Variants in HS6ST3 observed in about 807,000 individuals in gnomAD.
HS6ST3 encodes heparan-sulfate 6-O-sulfotransferase 3.
Under a neutral mutation model 36.7 loss-of-function variants are expected in HS6ST3, and 12 were observed. The ratio of observed to expected loss-of-function variants is 0.33; its 90% confidence interval spans 0.21 to 0.53. The LOEUF (loss-of-function observed/expected upper bound fraction) is 0.53. Ranked by LOEUF, HS6ST3 falls within the 20% of genes least tolerant of loss-of-function variation. The pLI, the probability that HS6ST3 is intolerant of heterozygous loss-of-function variation, is 0.95. For missense variants in HS6ST3, 584 were observed against 640.9 expected (o/e 0.91, Z 0.96); for synonymous variants, 240 against 257.5 (o/e 0.93, Z 0.65).
At chr13:96,183,353 T>C (rs975918608) in intron 1 of HS6ST3, among the ~76,000 whole-genome samples, 3 of 152,162 alleles carry the variant, frequency 2.0e-5, no homozygotes, top group Non-Finnish European at 4.4e-5. Flanking sequence ...ATGCTCGAGG[T>C]GGAAGAAAGT....
chr13:96,350,823 A>G (rs1336847848), intron 1 of HS6ST3, among the ~76,000 whole-genome samples: 1 of 152,176 alleles, frequency 6.6e-6, no homozygotes, highest in Non-Finnish European at 1.5e-5. Flanking sequence ...ATTAAAAATC[A>G]ATTTATCAGT....
chr13:96,249,650 G>C (rs1332476823), intron 1 of HS6ST3, among the ~76,000 whole-genome samples: 3 of 152,034 alleles, frequency 2.0e-5, no homozygotes, highest in African/African-American at 7.2e-5. Flanking sequence ...CTTTCTGTAG[G>C]TGAATCTTTT....
chr13:96,488,976 G>T (rs990569517), intron 1 of HS6ST3, among the ~76,000 whole-genome samples: 2 of 152,012 alleles, frequency 1.3e-5, no homozygotes, highest in East Asian at 1.9e-4. Flanking sequence ...AATACAGTGT[G>T]TGTGATCCTT....
intron 1 of HS6ST3, among the ~76,000 whole-genome samples, chr13:96,571,928 C>T (rs892570424): frequency 2.6e-5 from 4 of 152,184 alleles, no homozygotes; most frequent in Admixed American, 6.5e-5. Flanking sequence ...ATTGCACATA[C>T]GTGTACCATG....
At chr13:96,126,413 G>T (rs2053951262) in intron 1 of HS6ST3, among the ~76,000 whole-genome samples, 1 of 152,206 alleles carries the variant, frequency 6.6e-6, no homozygotes, top group Non-Finnish European at 1.5e-5. Context: ...ACTAGCTGGG[G>T]CTGGCCTCAT....
At chr13:96,211,381 C>T (rs536758404) in intron 1 of HS6ST3, among the ~76,000 whole-genome samples, 12 of 152,188 alleles carry the variant, frequency 7.9e-5, no homozygotes, top group Admixed American at 4.6e-4. Flanking sequence ...CCCACGGCAC[C>T]TCTGGAGTTG....
At chr13:96,637,637 T>C (rs980408466) in intron 1 of HS6ST3, among the ~76,000 whole-genome samples, 3 of 152,082 alleles carry the variant, frequency 2.0e-5, no homozygotes, top group African/African-American at 7.2e-5. Flanking sequence ...TACATGGTAA[T>C]TGGCTCAACA....
In HS6ST3 at chr13:96,090,576, G is replaced by A. The variant is rs1486237638; in HGVS notation, c.-287G>A. ...CTGAGAGAGCCGCGCCGGGGCGGGA[G>A]CAGGGAGCGGGCCGGCCCGGGCGCA... On this transcript the variant is annotated 5_prime_UTR_variant, in exon 1 of 2. Transcript: ENST00000376705. Among the ~76,000 whole-genome samples, 2 of 146,128 alleles carry A rather than the reference G, an allele frequency of 1.4e-5. No homozygotes were observed. Among genetic ancestry groups the A allele is most frequent in the African/African-American group, 4.9e-5 (2 of 40,798 alleles).
Position 96,401,875 on chromosome 13 carries a change from G to T in HS6ST3, c.707+310306G>T, listed in dbSNP as rs2055453558. The stretch of plus-strand genomic sequence containing the variant: ...AGGTGTGAGTCACCGCACCCAGCAG[G>T]ATTGTTATTTATCATTTAACCTCAT... On this transcript the variant is annotated intron_variant, in intron 1 of 1. Transcript: ENST00000376705. Among the ~76,000 whole-genome samples, 4 of 152,176 alleles carry T rather than the reference G, an allele frequency of 2.6e-5. No homozygotes were observed. In the South Asian group the frequency reaches 8.3e-4, roughly 32 times the overall value.
intron 1 of HS6ST3, 114 bp from the exon 2 acceptor site, chr13:96,832,376 C>A: frequency 2.7e-6 from 2 of 728,118 alleles, no homozygotes; most frequent in South Asian, 2.0e-5. Flanking sequence ...AATACTCTCA[C>A]ATGAACATTT....
intron 1 of HS6ST3, among the ~76,000 whole-genome samples, chr13:96,448,915 A>G (rs140630483): frequency 1.3e-5 from 2 of 151,268 alleles, no homozygotes; most frequent in African/African-American, 4.9e-5. Context: ...CATAGTTTTT[A>G]TTTTTTTATT....
intron 1 of HS6ST3, among the ~76,000 whole-genome samples, chr13:96,157,852 A>G (rs1201571615): frequency 1.3e-5 from 2 of 152,224 alleles, no homozygotes; most frequent in African/African-American, 4.8e-5. Context: ...GGATTAGCTC[A>G]ACGAAGCAGA....
intron 1 of HS6ST3, among the ~76,000 whole-genome samples, chr13:96,603,896 C>T (rs1337501654): frequency 6.6e-6 from 1 of 152,144 alleles, no homozygotes; most frequent in African/African-American, 2.4e-5. Flanking sequence ...CAGATCGGAT[C>T]ATGGTGGCAA....
intron 1 of HS6ST3, among the ~76,000 whole-genome samples, chr13:96,399,938 T>A (rs537274425): frequency 6.6e-5 from 10 of 152,338 alleles, no homozygotes; most frequent in Non-Finnish European, 1.3e-4. Context: ...ACTACGTCAG[T>A]CCTGGGACCC....
intron 1 of HS6ST3, among the ~76,000 whole-genome samples, chr13:96,706,410 A>ATT (rs1555319833): frequency 9.2e-4 from 95 of 103,334 alleles, no homozygotes; most frequent in African/African-American, 4.1e-3. Context: ...AATAGAATAT[A>ATT]TTTTATATAT....
At chr13:96,496,741 G>T (rs1169803846) in intron 1 of HS6ST3, among the ~76,000 whole-genome samples, 1 of 152,058 alleles carries the variant, frequency 6.6e-6, no homozygotes, top group East Asian at 1.9e-4. Flanking sequence ...AGGGGAACAC[G>T]TTGCTATTTT....
At chr13:96,776,142 C>T (rs1353898452) in intron 1 of HS6ST3, among the ~76,000 whole-genome samples, 6 of 151,974 alleles carry the variant, frequency 3.9e-5, no homozygotes, top group South Asian at 2.1e-4. Flanking sequence ...TTGAAACCAA[C>T]GAGAACAAAG....
intron 1 of HS6ST3, among the ~76,000 whole-genome samples, chr13:96,388,602 T>A (rs1340359192): frequency 6.6e-6 from 1 of 152,236 alleles, no homozygotes; most frequent in Admixed American, 6.5e-5. Flanking sequence ...TATACTTTTT[T>A]AAAGTTCCTG....
intron 1 of HS6ST3, among the ~76,000 whole-genome samples, chr13:96,488,289 T>C (rs1295729943): frequency 6.6e-6 from 1 of 152,086 alleles, no homozygotes; most frequent in Non-Finnish European, 1.5e-5. Flanking sequence ...ATTCCTAATC[T>C]GTTCCATTGC....
Sources: allele counts gnomAD v4.1 joint callset (sites outside exome capture counted in the v4.1 genomes callset), GRCh38; gene constraint gnomAD v4.1.1; transcripts MANE v1.5; gene names NCBI Gene and HGNC (gene_info 2026-07-23, HGNC 2026-07-21).